LIPN: variants seen among roughly 807,000 people sequenced by gnomAD.
LIPN encodes lipase member N.
In LIPN, 32 loss-of-function variants were observed where a neutral mutation model predicts 43.7. The observed-to-expected ratio is 0.73, with a 90% CI of 0.55 to 0.98. LIPN has a LOEUF of 0.98. LIPN is among the 50% of genes least tolerant of loss of function. LIPN has a pLI of 0.00. For synonymous variants in LIPN, 156 were observed against 157.6 expected (o/e 0.99, Z 0.08); for missense variants, 505 against 483.8 (o/e 1.04, Z -0.41).
chr10:88,763,613 A>G (rs1843039570), intron 3 of LIPN, among the ~76,000 whole-genome samples: 1 of 152,034 alleles, frequency 6.6e-6, no homozygotes, highest in Admixed American at 6.6e-5. Context: ...TAGCAAGCTG[A>G]CAGACCAGAA....
Position 88,779,414 on chromosome 10 carries a change from A to C in LIPN, c.*1172A>C, listed in dbSNP as rs988495164. Among the ~76,000 whole-genome samples the C allele has an allele frequency of 4.6e-5, 7 of 152,194 alleles. No individual in the cohort carries two copies. The highest frequency in any genetic ancestry group is 1.4e-4 in the African/African-American group (6 of 41,460). On this transcript the variant is annotated 3_prime_UTR_variant, in exon 10 of 10. Transcript: ENST00000404459. Reference sequence around the variant, plus strand: ...TCATCAATTTAATGTATACGTATTGATGGGGAATAATGGTCACTATGAAAA... The same window carrying C: ...TCATCAATTTAATGTATACGTATTGCTGGGGAATAATGGTCACTATGAAAA...
chr10:88,775,130 A>G lies in LIPN; in HGVS notation c.930A>G (p.Gly310=). The change falls in exon 9 of 10, where the codon GGA becomes GGG. Residue 310 remains glycine, a synonymous_variant. Transcript: ENST00000404459. Reference sequence around the variant, plus strand: ...ATGAATTCAGAGCTTATGACTGGGGAAATGACGCTGATAATATGAAACATT... The same window carrying G: ...ATGAATTCAGAGCTTATGACTGGGGGAATGACGCTGATAATATGAAACATT... The part of the protein sequence containing the change: ...HSDEFRAYDW[G]NDADNMKHYN... 1 of 1,546,900 alleles carries G rather than the reference A, an allele frequency of 6.5e-7. No homozygotes were observed. Among genetic ancestry groups the G allele is most frequent in the Non-Finnish European group, 8.7e-7 (1 of 1,143,740 alleles).
At chr10:88,768,721 G>A in intron 5 of LIPN, 71 bp from the exon 6 acceptor site, 1 of 1,346,576 alleles carries the variant, frequency 7.4e-7, no homozygotes, top group East Asian at 2.4e-5. Flanking sequence ...ACTAAGCAGA[G>A]CCCCAATTTT....
chr10:88,774,670 G>A, intron 8 of LIPN, 126 bp downstream of exon 8: 2 of 748,404 alleles, frequency 2.7e-6, no homozygotes, highest in East Asian at 2.7e-5. Context: ...TGTCCTTGCT[G>A]CCTTCTGTAT....
At chr10:88,764,039 T>A (rs1843046907) in intron 3 of LIPN, among the ~76,000 whole-genome samples, 1 of 152,010 alleles carries the variant, frequency 6.6e-6, no homozygotes, top group African/African-American at 2.4e-5. Flanking sequence ...GCTCTGGCCT[T>A]CTTATCTGGG....
upstream of LIPN, among the ~76,000 whole-genome samples, chr10:88,758,142 A>G (rs1052645249): frequency 3.3e-5 from 5 of 152,118 alleles, no homozygotes; most frequent in Admixed American, 2.0e-4. Flanking sequence ...TGTGTTTTGA[A>G]TAGGACATTG....
upstream of LIPN, among the ~76,000 whole-genome samples, chr10:88,759,798 C>G (rs1262752109): frequency 6.6e-6 from 1 of 152,076 alleles, no homozygotes; most frequent in African/African-American, 2.4e-5. Flanking sequence ...GTTGCTAAGT[C>G]TTCCCAACAA....
chr10:88,771,974 T>C (rs983019427), intron 7 of LIPN, among the ~76,000 whole-genome samples: 6 of 151,924 alleles, frequency 3.9e-5, no homozygotes, highest in African/African-American at 1.2e-4. Flanking sequence ...TAGTACTTCA[T>C]TGTAGTTTTA....
chr10:88,764,587 A>C lies in LIPN; in HGVS notation c.404A>C (p.Asp135Ala), dbSNP rs1337935436. The change falls in exon 4 of 10, where the codon GAT becomes GCT. Residue 135 changes from aspartate to alanine, a missense_variant. Physicochemically the swap from Asp to Ala is moderately radical, Grantham distance 126. Coordinates refer to ENST00000404459, the MANE Select transcript of LIPN (RefSeq NM_001102469.2). ...AGACACAAAACACTCTCAGAGACAG[A>C]TGAGAAATTCTGGGCCTTTAGGTAA... ...SRRHKTLSETDEKFWAFSFDE... is the reference protein window; with the variant it reads ...SRRHKTLSETAEKFWAFSFDE... 1 of 1,604,778 alleles carries C rather than the reference A, an allele frequency of 6.2e-7. No homozygotes were observed. The highest frequency in any genetic ancestry group is 1.3e-5 in the African/African-American group (1 of 74,654).
chr10:88,763,251 G>A (rs1331284913), intron 3 of LIPN, among the ~76,000 whole-genome samples: 1 of 151,962 alleles, frequency 6.6e-6, no homozygotes, highest in African/African-American at 2.4e-5. Context: ...ATACTAAAAA[G>A]TCATTATTTA....
chr10:88,768,994 A>C (rs919110516), intron 6 of LIPN, 66 bp downstream of exon 6: 63 of 1,447,722 alleles, frequency 4.4e-5, no homozygotes, highest in Admixed American at 2.1e-4. Flanking sequence ...TATTATTTTC[A>C]AATCTACTGT....
chr10:88,768,662 G>T, intron 5 of LIPN, 130 bp from the exon 6 acceptor site: 1 of 659,452 alleles, frequency 1.5e-6, no homozygotes, highest in South Asian at 2.2e-5. Context: ...GAATAACTCA[G>T]AAGACTTCCA....
In LIPN at chr10:88,761,787, C is replaced by T. The variant is rs12258979; in HGVS notation, c.108+274C>T. 5.3e-3 allele frequency among the ~76,000 whole-genome samples: 462 copies of T among 86,356 alleles called. 4 individuals carry two copies. The highest frequency in any genetic ancestry group is 0.013 in the East Asian group (32 of 2,498). 56.7% of individuals were successfully genotyped at this position (86,356 alleles called of 152,430 possible). A position where few individuals can be genotyped will look rare whatever the true frequency, so the allele number is the denominator to read the frequency against. On this transcript the variant is annotated intron_variant, in intron 2 of 9. Coordinates refer to ENST00000404459, the MANE Select transcript of LIPN (RefSeq NM_001102469.2). ...TGTATCTATCTATCTATTTATCTAT[C>T]TATCTATCTATCTATAGATAGAACC...
chr10:88,775,839 C>G (rs984732056), intron 9 of LIPN, among the ~76,000 whole-genome samples: 1 of 151,944 alleles, frequency 6.6e-6, no homozygotes, highest in Non-Finnish European at 1.5e-5. Flanking sequence ...CCCAGGCTAT[C>G]ATATTTTAAG....
intron 1 of LIPN, among the ~76,000 whole-genome samples, 117 bp downstream of exon 1, chr10:88,760,223 C>T (rs7091509): frequency 0.12 from 17,701 of 151,918 alleles, 1,306 homozygotes; most frequent in African/African-American, 0.22. Context: ...GATCTCTCAC[C>T]TCTTGGCTCT....
upstream of LIPN, among the ~76,000 whole-genome samples, chr10:88,758,351 C>A (rs1225049285): frequency 7.3e-6 from 1 of 137,494 alleles, no homozygotes. Flanking sequence ...GCTCCACTAT[C>A]ATCTAATTTT....
intron 5 of LIPN, among the ~76,000 whole-genome samples, chr10:88,767,674 A>C (rs1327189377): frequency 2.1e-5 from 2 of 93,096 alleles, no homozygotes; most frequent in African/African-American, 7.6e-5. Context: ...AAAAAAAAAA[A>C]AAAAAAAAAA....
chr10:88,768,106 A>G (rs1204311491), intron 5 of LIPN, among the ~76,000 whole-genome samples: 1 of 151,378 alleles, frequency 6.6e-6, no homozygotes, highest in South Asian at 2.1e-4. Context: ...ACCAAATTAT[A>G]TGGATATTCT....
intron 9 of LIPN, 31 bp from the exon 10 acceptor site, chr10:88,777,978 C>A (rs771672705): frequency 3.5e-6 from 5 of 1,430,770 alleles, no homozygotes; most frequent in Non-Finnish European, 4.9e-6. Context: ...GGAGCTTCCT[C>A]TCATGAATGC....
Sources: allele counts gnomAD v4.1 joint callset (sites outside exome capture counted in the v4.1 genomes callset), GRCh38; gene constraint gnomAD v4.1.1; transcripts MANE v1.5; gene names NCBI Gene and HGNC (gene_info 2026-07-23, HGNC 2026-07-21).